The following PIK3C3 variants were observed in gnomAD, a reference collection of about 807,000 sequenced individuals.
PIK3C3 encodes the protein phosphatidylinositol 3-kinase catalytic subunit type 3.
PIK3C3 carries 95 observed loss-of-function variants against 126.1 expected under a neutral mutation model. The observed-to-expected ratio is 0.75, with a 90% CI of 0.64 to 0.89. The LOEUF (loss-of-function observed/expected upper bound fraction) is 0.89. Among genes scored for constraint, PIK3C3 ranks in the 40% least tolerant of loss-of-function variants. PIK3C3 has a pLI of 0.00. For missense variants in PIK3C3, 829 were observed against 1,063.2 expected (o/e 0.78, Z 3.06); for synonymous variants, 374 against 360.0 (o/e 1.04, Z -0.44).
intron 21 of PIK3C3, among the ~76,000 whole-genome samples, chr18:42,054,240 A>T (rs187491710): frequency 7.1e-6 from 1 of 141,510 alleles, no homozygotes; most frequent in Non-Finnish European, 1.5e-5. Context: ...AGGTCCCATT[A>T]TAGGCTGTCT....
chr18:41,984,771 G>A (rs564378557), intron 4 of PIK3C3: 6 of 152,268 alleles, frequency 3.9e-5, no homozygotes, highest in Non-Finnish European at 7.3e-5. Flanking sequence ...ATAAGTAAGC[G>A]CTGTGCTAGC....
chr18:42,067,292 CAT>C lies in PIK3C3; in HGVS notation c.2524-95_2524-94del. ...TCATTTATTTGCCATAGGAATAGCT[CAT>C]GTTACCTTATAATGTCTGCATCAGT... On this transcript the variant is annotated intron_variant, in intron 23 of 24. Transcript: ENST00000262039. 5 of 1,072,126 alleles carry C rather than the reference CAT, an allele frequency of 4.7e-6. No homozygotes were observed. In the South Asian group the frequency reaches 7.2e-5, roughly 15 times the overall value. 66.4% of individuals were successfully genotyped at this position (1,072,126 alleles called of 1,614,324 possible).
chr18:42,024,540 A>G (rs987480365), intron 13 of PIK3C3, among the ~76,000 whole-genome samples: 14 of 151,764 alleles, frequency 9.2e-5, no homozygotes, highest in South Asian at 6.2e-4. Context: ...GGTTCAATCA[A>G]TTCTCCTGCC....
At position 42,037,819 on chromosome 18, in the gene PIK3C3, A is replaced by G; in HGVS notation, c.1967A>G (p.Lys656Arg). Reference sequence around the variant, plus strand: ...CTTCAAATCATTTCACTCATGGACAAGGTGAACATGACCTTATGTTGGTGG... The same window carrying G: ...CTTCAAATCATTTCACTCATGGACAGGGTGAACATGACCTTATGTTGGTGG... ...LILQIISLMD[K>R]LLRKENLDLK... Residue 656 changes from lysine to arginine, a missense_variant and splice_region_variant, in exon 17 of 25, where the codon AAG becomes AGG. This residue lies in a region of PIK3C3 where 196 missense variants were observed against 312.8 expected (regional missense o/e 0.63). Transcript: ENST00000262039. 1 of 1,608,358 alleles carries G rather than the reference A, an allele frequency of 6.2e-7. No homozygotes were observed. Among genetic ancestry groups the G allele is most frequent in the Non-Finnish European group, 8.5e-7 (1 of 1,175,800 alleles).
chr18:41,988,271 A>G (rs1268268235), intron 5 of PIK3C3, among the ~76,000 whole-genome samples: 2 of 152,166 alleles, frequency 1.3e-5, no homozygotes, highest in African/African-American at 2.4e-5. Context: ...AAATCATTTC[A>G]GCAAGTTCTC....
rs974347940 is a variant in PIK3C3, at chr18:42,082,523, C to T, written c.*1386C>T. 5 of 152,280 alleles carry T rather than the reference C, an allele frequency of 3.3e-5. No individual in the cohort carries two copies. The East Asian group carries it at 5.8e-4, about 18-fold the overall frequency. The allele number at this position is 152,280 out of a possible 1,614,324, so 9.4% of individuals were successfully genotyped here. A position where few individuals can be genotyped will look rare whatever the true frequency, so the allele number is the denominator to read the frequency against. On this transcript the variant is annotated 3_prime_UTR_variant, in exon 25 of 25. Coordinates refer to ENST00000262039, the MANE Select transcript of PIK3C3 (RefSeq NM_002647.4). ...TATATATAAACTAAATGGGCAGGCT[C>T]CATCGTCTACCTTTCTTTTTCTTTT...
chr18:42,050,238 C>T (rs1404412605), intron 21 of PIK3C3: 1 of 152,174 alleles, frequency 6.6e-6, no homozygotes, highest in Non-Finnish European at 1.5e-5. Context: ...TGTCCTTTCT[C>T]TTACAAAGTG....
chr18:42,062,854 T>A (rs1985377830), intron 22 of PIK3C3, among the ~76,000 whole-genome samples: 4 of 152,122 alleles, frequency 2.6e-5, no homozygotes. Flanking sequence ...TGAATAACAC[T>A]AGTGTCCTAT....
intron 22 of PIK3C3, among the ~76,000 whole-genome samples, chr18:42,060,917 T>C (rs778463785): frequency 7.2e-5 from 11 of 152,246 alleles, no homozygotes; most frequent in Non-Finnish European, 1.2e-4. Context: ...TTCCCCTCTT[T>C]GAAGTAGTAC....
intron 4 of PIK3C3, among the ~76,000 whole-genome samples, chr18:41,985,551 A>G (rs1981429443): frequency 6.6e-6 from 1 of 152,160 alleles, no homozygotes; most frequent in East Asian, 1.9e-4. Flanking sequence ...CTTTTTGATT[A>G]TAGCATTTCA....
chr18:41,970,961 A>G (rs1261926495), intron 4 of PIK3C3: 1 of 160,510 alleles, frequency 6.2e-6, no homozygotes, highest in African/African-American at 2.4e-5. Context: ...GTAACATTCT[A>G]GAGAAGCTTA....
intron 3 of PIK3C3, 150 bp from the exon 4 acceptor site, chr18:41,970,177 A>T: frequency 1.5e-6 from 1 of 654,898 alleles, no homozygotes; most frequent in Non-Finnish European, 2.6e-6. Context: ...TTGCTTGGTT[A>T]ATTGCTTTAC....
intron 24 of PIK3C3, among the ~76,000 whole-genome samples, chr18:42,078,100 G>A (rs1158861636): frequency 1.3e-5 from 2 of 152,038 alleles, no homozygotes; most frequent in Non-Finnish European, 2.9e-5. Context: ...TAAACCGGCC[G>A]GGCGCGGTGG....
chr18:42,028,752 C>G (rs922896615), intron 14 of PIK3C3, among the ~76,000 whole-genome samples: 1 of 152,146 alleles, frequency 6.6e-6, no homozygotes, highest in South Asian at 2.1e-4. Context: ...CCCAGCTTCC[C>G]TTACCAGGGT....
intron 24 of PIK3C3, among the ~76,000 whole-genome samples, chr18:42,071,317 G>T (rs1985762571): frequency 1.3e-5 from 2 of 152,162 alleles, no homozygotes; most frequent in Admixed American, 1.3e-4. Context: ...TTATTGGAAT[G>T]TATTTCATAC....
At chr18:42,012,614 A>T (rs1982881128) in intron 10 of PIK3C3, among the ~76,000 whole-genome samples, 1 of 152,222 alleles carries the variant, frequency 6.6e-6, no homozygotes, top group South Asian at 2.1e-4. Context: ...GAGGACAAGT[A>T]TGTCAAGACA....
chr18:41,994,618 C>T (rs1316777074), intron 7 of PIK3C3, among the ~76,000 whole-genome samples: 1 of 151,834 alleles, frequency 6.6e-6, no homozygotes, highest in Non-Finnish European at 1.5e-5. Context: ...ATATAGGTGG[C>T]ATTTCTTCAC....
chr18:41,971,348 T>C (rs1980657692), intron 4 of PIK3C3: 1 of 152,118 alleles, frequency 6.6e-6, no homozygotes, highest in South Asian at 2.1e-4. Context: ...GAAGAAATCT[T>C]CAAGAATAAG....
chr18:41,985,084 C>G (rs1461362499), intron 4 of PIK3C3: 1 of 152,156 alleles, frequency 6.6e-6, no homozygotes, highest in Non-Finnish European at 1.5e-5. Flanking sequence ...TAAGCCCACC[C>G]TTTATCACCA....
Sources: gnomAD v4.1 joint callset for allele counts (sites outside exome capture counted in the v4.1 genomes callset) on GRCh38, gnomAD v4.1.1 for gene constraint, gnomAD v4.1.1 regional missense constraint, MANE v1.5 for transcripts, NCBI Gene and HGNC (gene_info 2026-07-23, HGNC 2026-07-21) for gene names.